The following PPP1R13B variants were observed in gnomAD, a reference collection of about 807,000 sequenced individuals.
PPP1R13B encodes apoptosis-stimulating of p53 protein 1.
PPP1R13B carries 44 observed loss-of-function variants against 119.8 expected under a neutral mutation model. The ratio of observed to expected loss-of-function variants is 0.37; its 90% CI spans 0.29 to 0.47. The LOEUF (loss-of-function observed/expected upper bound fraction) is 0.47, where lower values mean the gene tolerates loss of function less well. PPP1R13B is among the 20% of genes least tolerant of loss of function. The pLI is 0.99. For missense variants in PPP1R13B, 1,227 were observed against 1,413.5 expected (o/e 0.87, Z 2.12); for synonymous variants, 542 against 561.5 (o/e 0.97, Z 0.49).
At chr14:103,741,334 C>T (rs1283866787) in intron 11 of PPP1R13B, among the ~76,000 whole-genome samples, 2 of 152,220 alleles carry the variant, frequency 1.3e-5, no homozygotes, top group Non-Finnish European at 2.9e-5. Context: ...AGGCTTTCCT[C>T]CCCTCTGGGC....
chr14:103,744,931 G>C (rs998087895), intron 9 of PPP1R13B, among the ~76,000 whole-genome samples: 5 of 152,248 alleles, frequency 3.3e-5, no homozygotes, highest in Non-Finnish European at 1.5e-5. Context: ...CAGCACAGCA[G>C]ACACCAACAA....
intron 1 of PPP1R13B, among the ~76,000 whole-genome samples, chr14:103,803,535 C>A (rs775509532): frequency 6.6e-6 from 1 of 151,908 alleles, no homozygotes; most frequent in South Asian, 2.1e-4. Flanking sequence ...CCCAGCTACT[C>A]GGGAGGCTGA....
Position 103,796,857 on chromosome 14 carries a change from G to A in PPP1R13B, c.157+514C>T, listed in dbSNP as rs138742582. On this transcript the variant is annotated intron_variant, in intron 2 of 16. Transcript: ENST00000202556. ...CCTATAGCCCCAGCTACTGGGAGGC[G>A]GAGGCACAAGAATCGTTTGAACCCA... Among the ~76,000 whole-genome samples the A allele has an allele frequency of 1.1e-4, 17 of 152,086 alleles. No homozygotes were observed. In the East Asian group the frequency reaches 2.3e-3, roughly 21 times the overall value.
At chr14:103,750,203 G>A (rs754938820) in intron 7 of PPP1R13B, among the ~76,000 whole-genome samples, 68 of 152,032 alleles carry the variant, frequency 4.5e-4, no homozygotes, top group Non-Finnish European at 8.4e-4. Context: ...GGAGACTAGT[G>A]CGGTGTTTGG....
chr14:103,817,625 T>A (rs1402612945), intron 1 of PPP1R13B, among the ~76,000 whole-genome samples: 1 of 152,134 alleles, frequency 6.6e-6, no homozygotes, highest in East Asian at 1.9e-4. Context: ...ATGAAATTTA[T>A]AATAAGACAC....
At chr14:103,826,813 C>T (rs577358674) in intron 1 of PPP1R13B, among the ~76,000 whole-genome samples, 2 of 151,256 alleles carry the variant, frequency 1.3e-5, no homozygotes, top group South Asian at 4.2e-4. Context: ...TAGAGACCAT[C>T]CTGGCTAACA....
intron 1 of PPP1R13B, among the ~76,000 whole-genome samples, chr14:103,799,774 A>G (rs1022426309): frequency 6.6e-6 from 1 of 151,580 alleles, no homozygotes; most frequent in African/African-American, 2.4e-5. Context: ...TAGGCTAGGC[A>G]TGGTGGCTCA....
chr14:103,756,305 G>T (rs1198308883), intron 5 of PPP1R13B, among the ~76,000 whole-genome samples: 1 of 152,020 alleles, frequency 6.6e-6, no homozygotes, highest in Non-Finnish European at 1.5e-5. Flanking sequence ...GGCCAGGCTG[G>T]TCTCGAACTC....
At chr14:103,827,957 A>G (rs2086588038) in intron 1 of PPP1R13B, among the ~76,000 whole-genome samples, 1 of 152,206 alleles carries the variant, frequency 6.6e-6, no homozygotes. Flanking sequence ...ACCATAAGGT[A>G]TTCTCTATTA....
At chr14:103,794,091 G>A (rs1173088103) in intron 2 of PPP1R13B, among the ~76,000 whole-genome samples, 4 of 152,142 alleles carry the variant, frequency 2.6e-5, no homozygotes, top group African/African-American at 4.8e-5. Flanking sequence ...AATAAACCAA[G>A]CCTGCTGACA....
chr14:103,848,197 G>A, upstream of PPP1R13B: 1 of 969,154 alleles, frequency 1.0e-6, no homozygotes, highest in Non-Finnish European at 1.2e-6. Flanking sequence ...CCCCGCACCA[G>A]CTCCCGAGCC....
At position 103,734,706 on chromosome 14, in the gene PPP1R13B, A is replaced by AG. The variant is rs771027552; in HGVS notation, c.*447dup. The AG allele has an allele frequency of 2.6e-5, 12 of 458,102 alleles. No homozygotes were observed. The highest frequency in any genetic ancestry group is 2.4e-4 in the African/African-American group (12 of 50,164). The allele number at this position is 458,102 out of a possible 1,614,324, so 28.4% of individuals were successfully genotyped here. On this transcript the variant is annotated 3_prime_UTR_variant, in exon 17 of 17. Coordinates refer to ENST00000202556, the MANE Select transcript of PPP1R13B (RefSeq NM_015316.3). ...AGAAGGATCATGTGTGGGAAGTGTG[A>AG]GAAAGGATGAGTGTCCGATTCGGTG...
intron 1 of PPP1R13B, among the ~76,000 whole-genome samples, chr14:103,842,507 T>C (rs1178192750): frequency 6.6e-6 from 1 of 151,810 alleles, no homozygotes; most frequent in Admixed American, 6.6e-5. Context: ...TTTACCATGT[T>C]GAGCAGGCTG....
chr14:103,794,095 G>A (rs1011462188), intron 2 of PPP1R13B, among the ~76,000 whole-genome samples: 2 of 152,142 alleles, frequency 1.3e-5, no homozygotes, highest in Non-Finnish European at 2.9e-5. Flanking sequence ...AACCAAGCCT[G>A]CTGACACCTT....
At chr14:103,761,024 T>C (rs2084791049) in intron 4 of PPP1R13B, among the ~76,000 whole-genome samples, 1 of 152,204 alleles carries the variant, frequency 6.6e-6, no homozygotes, top group African/African-American at 2.4e-5. Flanking sequence ...TTTGCTAATA[T>C]GTGGCCACGC....
At position 103,734,589 on chromosome 14, in the gene PPP1R13B, G is replaced by A. The variant is rs761928017; in HGVS notation, c.*565C>T. 4 of 456,540 alleles carry A rather than the reference G, an allele frequency of 8.8e-6. No homozygotes were observed. Among genetic ancestry groups the A allele is most frequent in the Non-Finnish European group, 1.3e-5 (3 of 226,816 alleles). 28.3% of individuals were successfully genotyped at this position (456,540 alleles called of 1,614,324 possible). On this transcript the variant is annotated 3_prime_UTR_variant, in exon 17 of 17. Transcript: ENST00000202556. Reference sequence around the variant, plus strand: ...TGGAACAGGAAGCGGAACCCCCAAGGCGGCCGAGCAGAGTGGGTACTGGGA... The same window carrying A: ...TGGAACAGGAAGCGGAACCCCCAAGACGGCCGAGCAGAGTGGGTACTGGGA...
intron 2 of PPP1R13B, among the ~76,000 whole-genome samples, chr14:103,785,331 GC>G (rs2085435237): frequency 6.6e-6 from 1 of 152,104 alleles, no homozygotes. Context: ...AGATGCTCCT[GC>G]CTCAGCCTCC....
chr14:103,752,400 GCC>G (rs1276029292), intron 7 of PPP1R13B, among the ~76,000 whole-genome samples: 1 of 152,134 alleles, frequency 6.6e-6, no homozygotes, highest in Non-Finnish European at 1.5e-5. Context: ...AGAGGTGCGG[GCC>G]TTTTTTTTGG....
At chr14:103,778,459 C>T (rs2085262916) in intron 4 of PPP1R13B, 2 of 243,698 alleles carry the variant, frequency 8.2e-6, no homozygotes, top group Admixed American at 5.3e-5. Context: ...GACGGGGTTT[C>T]ACCAGATTGG....
Sources: gnomAD v4.1 joint callset for allele counts (sites outside exome capture counted in the v4.1 genomes callset) on GRCh38, gnomAD v4.1.1 for gene constraint, MANE v1.5 for transcripts, NCBI Gene and HGNC (gene_info 2026-07-23, HGNC 2026-07-21) for gene names.